The following PRKCI variants were observed in gnomAD, a reference collection of about 807,000 sequenced individuals.
PRKCI encodes protein kinase C iota type.
PRKCI carries 43 observed loss-of-function variants against 84.0 expected under a neutral mutation model. The observed-to-expected ratio is 0.51, with a 90% CI of 0.40 to 0.66. The LOEUF is 0.66. Ranked by LOEUF, PRKCI falls within the 30% of genes least tolerant of loss-of-function variation. The probability of loss-of-function intolerance (pLI) is 0.00; values close to 1 mark genes in which losing one functional copy is unlikely to be tolerated. For missense variants in PRKCI, 459 were observed against 745.6 expected (o/e 0.62, Z 4.48); for synonymous variants, 216 against 234.4 (o/e 0.92, Z 0.72).
chr3:170,258,624 T>C (rs891803872), intron 2 of PRKCI, among the ~76,000 whole-genome samples: 1 of 152,176 alleles, frequency 6.6e-6, no homozygotes, highest in African/African-American at 2.4e-5. Flanking sequence ...AGGAATGCCA[T>C]AGTCCAGGCA....
intron 2 of PRKCI, among the ~76,000 whole-genome samples, chr3:170,243,565 ATGC>A (rs1460815941): frequency 2.0e-5 from 3 of 152,184 alleles, no homozygotes; most frequent in Non-Finnish European, 4.4e-5. Flanking sequence ...GTAGGTATAT[ATGC>A]TGCTTTTATA....
intron 12 of PRKCI, among the ~76,000 whole-genome samples, chr3:170,291,436 C>T (rs942976717): frequency 8.5e-5 from 13 of 152,110 alleles, no homozygotes; most frequent in Non-Finnish European, 1.3e-4. Flanking sequence ...ATGGCTCATG[C>T]CTGTAATCCC....
intron 2 of PRKCI, among the ~76,000 whole-genome samples, chr3:170,245,501 G>A (rs1486634155): frequency 6.6e-6 from 1 of 152,118 alleles, no homozygotes; most frequent in Non-Finnish European, 1.5e-5. Context: ...TGGGGGTCTT[G>A]AGGCGGTATT....
intron 2 of PRKCI, among the ~76,000 whole-genome samples, chr3:170,250,776 T>G (rs1733424543): frequency 6.6e-6 from 1 of 152,182 alleles, no homozygotes; most frequent in Non-Finnish European, 1.5e-5. Context: ...AACTGCCAGT[T>G]TTCCAGAGTG....
intron 3 of PRKCI, 56 bp downstream of exon 3, chr3:170,260,114 CTT>C: frequency 8.9e-7 from 1 of 1,123,572 alleles, no homozygotes; most frequent in Non-Finnish European, 1.3e-6. Flanking sequence ...TGAAATCACT[CTT>C]TATTCTTCAC....
At chr3:170,232,502 G>C (rs1457884595) in intron 1 of PRKCI, among the ~76,000 whole-genome samples, 3 of 151,794 alleles carry the variant, frequency 2.0e-5, no homozygotes, top group Non-Finnish European at 4.4e-5. Flanking sequence ...AATACTCAGA[G>C]GCAGATATGA....
chr3:170,295,862 T>G (rs1402908428), intron 14 of PRKCI, 49 bp from the exon 15 acceptor site: 1 of 1,136,028 alleles, frequency 8.8e-7, no homozygotes, highest in African/African-American at 1.6e-5. Flanking sequence ...GAAAAAAGAT[T>G]AAAGCCATGT....
intron 1 of PRKCI, among the ~76,000 whole-genome samples, chr3:170,227,465 G>A (rs192110846): frequency 1.7e-3 from 260 of 152,324 alleles, no homozygotes; most frequent in African/African-American, 5.8e-3. Context: ...AGGAATAGAC[G>A]TTGGGGAGGA....
intron 12 of PRKCI, among the ~76,000 whole-genome samples, chr3:170,290,866 G>C (rs1410509460): frequency 6.6e-6 from 1 of 152,016 alleles, no homozygotes; most frequent in Non-Finnish European, 1.5e-5. Context: ...GGCCCGGCAT[G>C]GTGGCTTATG....
intron 1 of PRKCI, among the ~76,000 whole-genome samples, chr3:170,231,064 A>C (rs1260905600): frequency 6.7e-6 from 1 of 149,278 alleles, no homozygotes; most frequent in Non-Finnish European, 1.5e-5. Context: ...GGTTCAAGCG[A>C]TTCTCCAGTC....
At chr3:170,254,953 G>C (rs1354280973) in intron 2 of PRKCI, among the ~76,000 whole-genome samples, 12 of 146,336 alleles carry the variant, frequency 8.2e-5, no homozygotes, top group African/African-American at 3.1e-4. Flanking sequence ...TCCAATCCAT[G>C]AACATGGAAT....
intron 16 of PRKCI, 109 bp downstream of exon 16, chr3:170,297,502 T>G: frequency 4.9e-6 from 4 of 814,084 alleles, no homozygotes; most frequent in Non-Finnish European, 8.1e-6. Context: ...TCACCGAGGC[T>G]GGAGTACAAT....
intron 2 of PRKCI, among the ~76,000 whole-genome samples, chr3:170,245,374 AGGACGCTCGAT>A (rs1436888977): frequency 1.3e-5 from 2 of 152,212 alleles, no homozygotes; most frequent in Admixed American, 6.5e-5. Context: ...ATTAAATTGT[AGGACGCTCGAT>A]TGGTCTCCAC....
chr3:170,240,433 A>G (rs1404980239), intron 2 of PRKCI, among the ~76,000 whole-genome samples: 4 of 152,168 alleles, frequency 2.6e-5, no homozygotes, highest in African/African-American at 9.7e-5. Flanking sequence ...GGGGAAAGCT[A>G]TGAAGCTCTA....
intron 4 of PRKCI, among the ~76,000 whole-genome samples, chr3:170,264,045 C>T (rs953202407): frequency 6.6e-6 from 1 of 152,124 alleles, no homozygotes; most frequent in African/African-American, 2.4e-5. Flanking sequence ...ACATGGAAAA[C>T]AAGGATACCT....
intron 2 of PRKCI, among the ~76,000 whole-genome samples, chr3:170,251,879 C>A (rs1733455847): frequency 6.6e-6 from 1 of 150,988 alleles, no homozygotes; most frequent in South Asian, 2.1e-4. Flanking sequence ...CACTGCACTC[C>A]AGCCTGGGCA....
At chr3:170,250,814 G>A (rs1398550497) in intron 2 of PRKCI, among the ~76,000 whole-genome samples, 3 of 152,144 alleles carry the variant, frequency 2.0e-5, no homozygotes, top group African/African-American at 7.2e-5. Context: ...CCTACCAGCA[G>A]TGTATGAGAA....
chr3:170,281,492 T>A (rs1262719044), intron 10 of PRKCI: 4 of 437,822 alleles, frequency 9.1e-6, no homozygotes, highest in Non-Finnish European at 1.6e-5. Context: ...CATGTCGTAA[T>A]TATGGCAGTA....
intron 12 of PRKCI, among the ~76,000 whole-genome samples, chr3:170,287,445 T>G (rs1394267398): frequency 6.6e-6 from 1 of 151,994 alleles, no homozygotes; most frequent in African/African-American, 2.4e-5. Context: ...CATTCTGTTA[T>G]GTAGCATCAC....
Sources: allele counts gnomAD v4.1 joint callset (sites outside exome capture counted in the v4.1 genomes callset), GRCh38; gene constraint gnomAD v4.1.1; transcripts MANE v1.5; gene names NCBI Gene and HGNC (gene_info 2026-07-23, HGNC 2026-07-21).